The following PLAAT3 variants were observed in gnomAD, a reference collection of about 807,000 sequenced individuals.
The protein encoded by PLAAT3 is phospholipase A and acyltransferase 3.
A neutral mutation model predicts 16.7 loss-of-function variants in PLAAT3; 21 were observed. The observed-to-expected ratio is 1.26, with a 90% confidence interval of 0.89 to 1.81. The LOEUF (loss-of-function observed/expected upper bound fraction) is 1.81, where lower values mean the gene tolerates loss of function less well. PLAAT3 is among the 40% of genes most tolerant of loss of function. The pLI, the probability that PLAAT3 is intolerant of heterozygous loss-of-function variation, is 0.00. For synonymous variants in PLAAT3, 76 were observed against 81.7 expected (o/e 0.93, Z 0.38); for missense variants, 219 against 213.7 (o/e 1.02, Z -0.16).
At position 63,600,799 on chromosome 11, in the gene PLAAT3, T is replaced by C. The variant is rs528461395; in HGVS notation, c.16-2636A>G. On this transcript the variant is annotated intron_variant, in intron 2 of 4. Coordinates refer to ENST00000415826, the MANE Select transcript of PLAAT3 (RefSeq NM_001128203.2). ...TTGTATTTTTAGTAGAGATGGGGTT[T>C]CACCATGTTGGCCAGGCTGGTCTTG... Among the ~76,000 whole-genome samples the C allele has an allele frequency of 4.0e-5, 6 of 151,754 alleles. No individual in the cohort carries two copies. In the East Asian group the frequency reaches 1.2e-3, roughly 30 times the overall value.
At chr11:63,577,038 C>A (rs1285879725) in intron 4 of PLAAT3, among the ~76,000 whole-genome samples, 2 of 152,116 alleles carry the variant, frequency 1.3e-5, no homozygotes, top group Non-Finnish European at 2.9e-5. Context: ...AATTTAAAAA[C>A]CTAGGGCAAC....
In PLAAT3 at chr11:63,597,083, C is replaced by T. The variant is rs529693595; in HGVS notation, c.118+978G>A. Among the ~76,000 whole-genome samples, 16 of 149,774 alleles carry T rather than the reference C, an allele frequency of 1.1e-4. No homozygotes were observed. In the South Asian group the frequency reaches 2.7e-3, roughly 26 times the overall value. ...GGCACTCTACCCTGGGCAAGAAAAG[C>T]GAAACTCCATCTAAAAAAAAAAAAA... is the stretch of plus-strand genomic sequence containing the variant. On this transcript the variant is annotated intron_variant, in intron 3 of 4. Transcript: ENST00000415826.
chr11:63,612,019 T>C (rs557877232), intron 2 of PLAAT3, among the ~76,000 whole-genome samples: 3 of 152,232 alleles, frequency 2.0e-5, no homozygotes, highest in African/African-American at 7.2e-5. Context: ...ATGCCTGTAA[T>C]CCCAGCTACT....
At chr11:63,600,592 G>GT (rs1445757162) in intron 2 of PLAAT3, among the ~76,000 whole-genome samples, 1 of 123,840 alleles carries the variant, frequency 8.1e-6, no homozygotes, top group African/African-American at 2.9e-5. Context: ...TGTTTTTTTT[G>GT]TTTTGTTTTG....
At position 63,606,375 on chromosome 11, in the gene PLAAT3, G is replaced by A. The variant is rs559275124; in HGVS notation, c.15+7625C>T. Among the ~76,000 whole-genome samples, 4 of 151,812 alleles carry A rather than the reference G, an allele frequency of 2.6e-5. No homozygotes were observed. The East Asian group carries it at 7.7e-4, about 29-fold the overall frequency. ...CCGAGGCGGGTGGATCACCTGTCAGGAGTTCAAGACCAGCCTCGCCAACAT... is the reference window on the plus strand; with the variant it reads ...CCGAGGCGGGTGGATCACCTGTCAGAAGTTCAAGACCAGCCTCGCCAACAT... On this transcript the variant is annotated intron_variant, in intron 2 of 4. Coordinates refer to ENST00000415826, the MANE Select transcript of PLAAT3 (RefSeq NM_001128203.2).
At chr11:63,595,161 C>A (rs1398451763) in intron 3 of PLAAT3, among the ~76,000 whole-genome samples, 2 of 151,746 alleles carry the variant, frequency 1.3e-5, no homozygotes, top group Non-Finnish European at 2.9e-5. Context: ...CATGGTGGTG[C>A]GTGCCTGTAA....
At chr11:63,587,477 G>A (rs2134402805) in intron 4 of PLAAT3, among the ~76,000 whole-genome samples, 1 of 150,750 alleles carries the variant, frequency 6.6e-6, no homozygotes, top group Middle Eastern at 3.5e-3. Flanking sequence ...CCAGCCAAAT[G>A]ATTAATCAAA....
chr11:63,615,204 G>A (rs375283795), upstream of PLAAT3, among the ~76,000 whole-genome samples: 15 of 37,734 alleles, frequency 4.0e-4, no homozygotes, highest in African/African-American at 9.0e-4. Flanking sequence ...GTGTATATAT[G>A]TGTGTATATA....
chr11:63,593,332 G>A (rs940046297), intron 3 of PLAAT3, among the ~76,000 whole-genome samples: 6 of 152,212 alleles, frequency 3.9e-5, no homozygotes, highest in African/African-American at 1.4e-4. Flanking sequence ...CCAAGGAAAA[G>A]GCATCTTTGC....
intron 3 of PLAAT3, 98 bp from the exon 4 acceptor site, chr11:63,590,466 CACAAA>C: frequency 1.9e-6 from 2 of 1,042,090 alleles, no homozygotes; most frequent in Non-Finnish European, 2.9e-6. Flanking sequence ...TTGGCTCATC[CACAAA>C]GGATAAGCAA....
intron 4 of PLAAT3, among the ~76,000 whole-genome samples, chr11:63,587,776 C>A (rs566673160): frequency 2.6e-4 from 40 of 151,916 alleles, no homozygotes; most frequent in South Asian, 2.3e-3. Context: ...AGTAGTCTAC[C>A]AAAACAAGGG....
chr11:63,612,564 T>A (rs529879940), intron 2 of PLAAT3, among the ~76,000 whole-genome samples: 1 of 152,262 alleles, frequency 6.6e-6, no homozygotes, highest in African/African-American at 2.4e-5. Context: ...CTAGTAGATA[T>A]AGCTCCCCTG....
chr11:63,587,985 G>A (rs749160920), intron 4 of PLAAT3, among the ~76,000 whole-genome samples: 2 of 152,056 alleles, frequency 1.3e-5, no homozygotes, highest in Non-Finnish European at 2.9e-5. Context: ...AGGCTGAGGC[G>A]TTAGGATCAT....
intron 4 of PLAAT3, among the ~76,000 whole-genome samples, chr11:63,588,154 C>T (rs970747108): frequency 6.6e-6 from 1 of 151,914 alleles, no homozygotes; most frequent in Non-Finnish European, 1.5e-5. Flanking sequence ...ACTGCAACCT[C>T]TGCCTCCCGG....
At chr11:63,605,741 A>T (rs931472673) in intron 2 of PLAAT3, among the ~76,000 whole-genome samples, 15 of 151,864 alleles carry the variant, frequency 9.9e-5, no homozygotes, top group African/African-American at 3.4e-4. Context: ...TTTAGTAGAG[A>T]CAGCGTTTCA....
chr11:63,615,198 A>G (rs1435202238), upstream of PLAAT3, among the ~76,000 whole-genome samples: 9 of 98,520 alleles, frequency 9.1e-5, no homozygotes, highest in African/African-American at 3.3e-4. Context: ...ATATGTGTGT[A>G]TATATGTGTG....
intron 4 of PLAAT3, among the ~76,000 whole-genome samples, chr11:63,583,176 T>C (rs1234480170): frequency 1.3e-5 from 2 of 151,988 alleles, no homozygotes; most frequent in South Asian, 2.1e-4. Flanking sequence ...ATGACCAAAG[T>C]TTGGATGGAG....
intron 4 of PLAAT3, among the ~76,000 whole-genome samples, chr11:63,577,233 G>A (rs778636255): frequency 1.3e-5 from 2 of 151,240 alleles, no homozygotes; most frequent in East Asian, 1.9e-4. Flanking sequence ...GTGCAATGGC[G>A]CAATCTTAGC....
chr11:63,585,178 C>T (rs1565248450), intron 4 of PLAAT3, among the ~76,000 whole-genome samples: 1 of 152,054 alleles, frequency 6.6e-6, no homozygotes, highest in African/African-American at 2.4e-5. Context: ...GTGCACACCA[C>T]CACGCCCAGC....
Sources: allele counts gnomAD v4.1 joint callset (sites outside exome capture counted in the v4.1 genomes callset), GRCh38; gene constraint gnomAD v4.1.1; transcripts MANE v1.5; gene names NCBI Gene and HGNC (gene_info 2026-07-23, HGNC 2026-07-21).